Variants in CFAP61 observed in about 807,000 individuals in gnomAD.
CFAP61 encodes cilia and flagella associated protein 61.
CFAP61 carries 107 observed loss-of-function variants against 135.6 expected under a neutral mutation model. That is an observed-to-expected ratio of 0.79 (90% CI 0.67 to 0.93). CFAP61 has a LOEUF of 0.93. CFAP61 is among the 40% of genes least tolerant of loss of function. CFAP61 has a pLI of 0.00. For missense variants in CFAP61, 1,507 were observed against 1,556.2 expected, an observed-to-expected ratio of 0.97 and a Z score of 0.53; for synonymous variants, 575 against 578.5, an observed-to-expected ratio of 0.99 and a Z score of 0.09.
intron 24 of CFAP61, among the ~76,000 whole-genome samples, chr20:20,294,821 G>C (rs35718396): frequency 0.26 from 39,786 of 150,476 alleles, 5,577 homozygotes; most frequent in Middle Eastern, 0.41. Flanking sequence ...CCAGCTACTC[G>C]GGAGGCTGAG....
chr20:20,082,573 C>G (rs1272933356), intron 6 of CFAP61, among the ~76,000 whole-genome samples: 1 of 152,162 alleles, frequency 6.6e-6, no homozygotes, highest in Non-Finnish European at 1.5e-5. Context: ...TGGGGGAAAA[C>G]CTGTCTTTTT....
rs145090865 is a variant in CFAP61 at position 20,244,159 on chromosome 20, C to G, written c.2061-1958C>G. The stretch of plus-strand genomic sequence containing the variant: ...CTGTGGCTTTTCCAGACATACAGTG[C>G]AAGCTGCTGGTAGATCTACCATTCT... On this transcript the variant is annotated intron_variant, in intron 18 of 26. Transcript: ENST00000245957. 2.7e-3 allele frequency among the ~76,000 whole-genome samples: 410 copies of G among 152,248 alleles called. 2 individuals are homozygous for G. The highest frequency in any genetic ancestry group is 9.0e-3 in the African/African-American group (372 of 41,556).
At chr20:20,180,277 C>T (rs917332579) in intron 13 of CFAP61, among the ~76,000 whole-genome samples, 10 of 151,082 alleles carry the variant, frequency 6.6e-5, no homozygotes, top group Admixed American at 4.6e-4. Context: ...TGCAGTGAGC[C>T]GAGATCACGC....
chr20:20,314,347 A>C (rs917345642), intron 25 of CFAP61, among the ~76,000 whole-genome samples: 1 of 148,552 alleles, frequency 6.7e-6, no homozygotes, highest in Non-Finnish European at 1.5e-5. Flanking sequence ...CCAAGATTGC[A>C]CCACTGCACT....
chr20:20,249,213 A>G (rs1272115658), intron 19 of CFAP61, among the ~76,000 whole-genome samples: 1 of 152,204 alleles, frequency 6.6e-6, no homozygotes, highest in Admixed American at 6.5e-5. Context: ...TCCAGAATGG[A>G]TAGTAATATC....
At chr20:20,185,205 G>T (rs150680434) in intron 13 of CFAP61, among the ~76,000 whole-genome samples, 157 of 152,284 alleles carry the variant, frequency 1.0e-3, no homozygotes, top group African/African-American at 3.5e-3. Context: ...TCTGAGAGGG[G>T]CCATACACAT....
At chr20:20,227,109 G>A (rs757616135) in intron 17 of CFAP61, among the ~76,000 whole-genome samples, 4 of 151,776 alleles carry the variant, frequency 2.6e-5, no homozygotes, top group Admixed American at 6.6e-5. Context: ...ATGGCAAAGC[G>A]CATGGCCACA....
At chr20:20,318,918 C>A (rs1392905003) in intron 25 of CFAP61, among the ~76,000 whole-genome samples, 4 of 152,232 alleles carry the variant, frequency 2.6e-5, no homozygotes, top group African/African-American at 9.7e-5. Context: ...CCTTCCACTT[C>A]TGGTATTGCA....
chr20:20,177,467 G>A lies in CFAP61; in HGVS notation c.1385+8007G>A, dbSNP rs187260961. On this transcript the variant is annotated intron_variant, in intron 13 of 26. Transcript: ENST00000245957. ...ACCCTCCCTCCATCCTGAAATTGAC[G>A]TCGATCACATTGACAAAATGGCCAC... 1.5e-3 allele frequency among the ~76,000 whole-genome samples: 228 copies of A among 151,662 alleles called. 1 individual carries two copies. The highest frequency in any genetic ancestry group is 3.1e-3 in the East Asian group (16 of 5,154).
At chr20:20,146,247 C>T (rs1020224234) in intron 9 of CFAP61, among the ~76,000 whole-genome samples, 2 of 152,236 alleles carry the variant, frequency 1.3e-5, no homozygotes, top group East Asian at 1.9e-4. Context: ...GGGTAACACC[C>T]TACAACTGGA....
chr20:20,132,464 G>A (rs2050612403), intron 8 of CFAP61, among the ~76,000 whole-genome samples: 1 of 151,994 alleles, frequency 6.6e-6, no homozygotes, highest in Non-Finnish European at 1.5e-5. Flanking sequence ...AGGATTCCTT[G>A]AGTCCATGGA....
chr20:20,147,046 A>T (rs148926393), intron 9 of CFAP61, among the ~76,000 whole-genome samples: 2 of 152,226 alleles, frequency 1.3e-5, no homozygotes, highest in African/African-American at 4.8e-5. Context: ...AATGGCCTCC[A>T]GCTCTATCCA....
chr20:20,295,279 A>T (rs1296092058), intron 24 of CFAP61, among the ~76,000 whole-genome samples: 1 of 152,200 alleles, frequency 6.6e-6, no homozygotes, highest in Non-Finnish European at 1.5e-5. Flanking sequence ...CAAAGTCAAG[A>T]TTTGTTAACC....
At chr20:20,074,040 G>T in intron 3 of CFAP61, 2 of 479,950 alleles carry the variant, frequency 4.2e-6, no homozygotes, top group South Asian at 2.5e-5. Context: ...GTGAGGGCAG[G>T]AGGAAGGGCG....
intron 3 of CFAP61, among the ~76,000 whole-genome samples, chr20:20,072,093 T>C (rs1487759293): frequency 1.3e-4 from 1 of 7,418 alleles, no homozygotes; most frequent in Admixed American, 1.3e-3. Context: ...CTAGCAATCT[T>C]TTTTTTTTTT....
intron 9 of CFAP61, among the ~76,000 whole-genome samples, chr20:20,145,268 G>T (rs2424275): frequency 9.9e-5 from 15 of 152,098 alleles, no homozygotes; most frequent in Admixed American, 2.0e-4. Flanking sequence ...GAGACCCAGA[G>T]GGGAAAAGTA....
chr20:20,281,777 A>C (rs900721604), intron 22 of CFAP61, among the ~76,000 whole-genome samples: 1 of 152,220 alleles, frequency 6.6e-6, no homozygotes, highest in Admixed American at 6.5e-5. Flanking sequence ...GCCTTATAAA[A>C]AAATTCGGGC....
chr20:20,133,074 G>A (rs2050662172), intron 8 of CFAP61, among the ~76,000 whole-genome samples: 1 of 151,852 alleles, frequency 6.6e-6, no homozygotes, highest in Non-Finnish European at 1.5e-5. Flanking sequence ...ACTATTTATT[G>A]GTGTTTTATT....
chr20:20,277,629 T>C (rs1235643476), intron 22 of CFAP61, among the ~76,000 whole-genome samples, 171 bp downstream of exon 22: 2 of 152,240 alleles, frequency 1.3e-5, no homozygotes, highest in Admixed American at 6.5e-5. Context: ...CCAGACTCAG[T>C]GGCATAAAGC....
Sources: gnomAD v4.1 joint callset for allele counts (sites outside exome capture counted in the v4.1 genomes callset) on GRCh38, gnomAD v4.1.1 for gene constraint, MANE v1.5 for transcripts, NCBI Gene and HGNC (gene_info 2026-07-23, HGNC 2026-07-21) for gene names.